Variants in SDK2 observed in about 807,000 individuals in gnomAD.
The protein encoded by SDK2 is protein sidekick-2.
In SDK2, 105 loss-of-function variants were observed where a neutral mutation model predicts 253.9. That is an observed-to-expected ratio of 0.41 (90% confidence interval 0.35 to 0.49). The LOEUF is 0.49. SDK2 is among the 20% of genes least tolerant of loss of function. The probability of loss-of-function intolerance (pLI) is 0.06; values close to 1 mark genes in which losing one functional copy is unlikely to be tolerated. For synonymous variants in SDK2, 1,249 were observed against 1,234.9 expected (o/e 1.01, Z -0.24); for missense variants, 2,608 against 3,003.0 (o/e 0.87, Z 3.07).
At chr17:73,401,910 G>C (rs201295692) in intron 19 of SDK2, 36 bp downstream of exon 19, 159 of 1,496,292 alleles carry the variant, frequency 1.1e-4, no homozygotes, top group East Asian at 6.1e-4. Context: ...CCTTGGGCGG[G>C]GGGGGGCAGA....
At chr17:73,509,485 G>C (rs767636589) in intron 1 of SDK2, among the ~76,000 whole-genome samples, 14 of 152,000 alleles carry the variant, frequency 9.2e-5, no homozygotes, top group Non-Finnish European at 1.8e-4. Context: ...GCCTTCTTTT[G>C]GCTTAAGAAA....
intron 1 of SDK2, among the ~76,000 whole-genome samples, chr17:73,622,118 C>T (rs1599733038): frequency 6.6e-6 from 1 of 152,248 alleles, no homozygotes; most frequent in African/African-American, 2.4e-5. Context: ...CAGCTTCCTA[C>T]CATAGTGTAT....
rs2062958433 is a variant in SDK2 at position 73,395,005 on chromosome 17, A to G, written c.3592+150T>C. On this transcript the variant is annotated intron_variant, in intron 25 of 44. Transcript: ENST00000392650. The surrounding 1 kb of genome is among the most constrained non-coding windows in gnomAD (Gnocchi z 4.3). ...GGCAGGTGCTGGGAGAGGCGGCAAC[A>G]TCATTGTGACATTGAGCATAAGCAG... 1 of 639,032 alleles carries G rather than the reference A, an allele frequency of 1.6e-6. No individual in the cohort carries two copies. Among genetic ancestry groups the G allele is most frequent in the Non-Finnish European group, 2.7e-6 (1 of 367,138 alleles). The allele number at this position is 639,032 out of a possible 1,614,324, so 39.6% of individuals were successfully genotyped here. A position where few individuals can be genotyped will look rare whatever the true frequency, so the allele number is the denominator to read the frequency against.
intron 24 of SDK2, among the ~76,000 whole-genome samples, chr17:73,397,445 C>T (rs1055275540): frequency 2.6e-5 from 4 of 152,142 alleles, no homozygotes; most frequent in Non-Finnish European, 5.9e-5. Context: ...AGAACTTGGG[C>T]GAGTGATCTG....
chr17:73,511,662 G>A lies in SDK2; in HGVS notation c.65-4065C>T, dbSNP rs1161368916. On this transcript the variant is annotated intron_variant, in intron 1 of 44. Coordinates refer to ENST00000392650, the MANE Select transcript of SDK2 (RefSeq NM_001144952.2). The surrounding 1 kb of genome is among the most constrained non-coding windows in gnomAD (Gnocchi z 4.9). ...AAGGTTCCTCTCCCCAAGCTCCTGC[G>A]GTGAAGTCACCCCCTCCCGAAAGTC... 1.3e-5 allele frequency among the ~76,000 whole-genome samples: 2 copies of A among 152,144 alleles called. No homozygotes were observed. The highest frequency in any genetic ancestry group is 1.5e-5 in the Non-Finnish European group (1 of 68,024).
At position 73,556,360 on chromosome 17, in the gene SDK2, C is replaced by T. The variant is rs368373156; in HGVS notation, c.65-48763G>A. ...GTTGTTGTTGTTTAATAAAGGAAGA[C>T]GACTTTCTTTGATTAGACAGAGCTC... On this transcript the variant is annotated intron_variant, in intron 1 of 44. Coordinates refer to ENST00000392650, the MANE Select transcript of SDK2 (RefSeq NM_001144952.2). Among the ~76,000 whole-genome samples, 10 of 152,030 alleles carry T rather than the reference C, an allele frequency of 6.6e-5. 1 individual carries two copies. The highest frequency in any genetic ancestry group is 3.9e-4 in the East Asian group (2 of 5,166).
At position 73,629,892 on chromosome 17, in the gene SDK2, G is replaced by A. The variant is rs965214656; in HGVS notation, c.64+14133C>T. Among the ~76,000 whole-genome samples, 2 of 152,138 alleles carry A rather than the reference G, an allele frequency of 1.3e-5. No individual in the cohort carries two copies. ...GAAAAGCTCCTTCTCCCAGGAAGGAGGGCTCTGGGCTGGATTTTCTTTCCT... is the reference window on the plus strand; with the variant it reads ...GAAAAGCTCCTTCTCCCAGGAAGGAAGGCTCTGGGCTGGATTTTCTTTCCT... On this transcript the variant is annotated intron_variant, in intron 1 of 44. Transcript: ENST00000392650. The surrounding 1 kb of genome is among the most constrained non-coding windows in gnomAD (Gnocchi z 5.0).
rs774799039 is a variant in SDK2, at chr17:73,511,432, C to T, written c.65-3835G>A. Among the ~76,000 whole-genome samples the T allele has an allele frequency of 6.6e-6, 1 of 152,212 alleles. No homozygotes were observed. Among genetic ancestry groups the T allele is most frequent in the Non-Finnish European group, 1.5e-5 (1 of 68,038 alleles). On this transcript the variant is annotated intron_variant, in intron 1 of 44. Coordinates refer to ENST00000392650, the MANE Select transcript of SDK2 (RefSeq NM_001144952.2). This position sits in a 1 kb window ranked among gnomAD's most constrained non-coding sequence, Gnocchi z 4.9. ...ACTGGGCAATTTCCTCCCAGGTCCG[C>T]GTTTGCCAGTTCATTCTTCAAGCCC...
chr17:73,415,833 G>T lies in SDK2; in HGVS notation c.2346C>A (p.Val782=). Residue 782 remains valine (V), a synonymous_variant, in exon 17 of 45, where the codon GTC becomes GTA. Coordinates refer to ENST00000392650, the MANE Select transcript of SDK2 (RefSeq NM_001144952.2). ...TACCTCCCTGCAGCGTCCACTCGGTGACTTTACTGCTGTAGACCCCCAGCC... is the reference window on the plus strand; with the variant it reads ...TACCTCCCTGCAGCGTCCACTCGGTTACTTTACTGCTGTAGACCCCCAGCC... The part of the protein sequence containing the change: ...SAGLGVYSSK[V]TEWTLQGVPT... 6.4e-7 allele frequency: 1 copy of T among 1,555,080 alleles called. No individual in the cohort carries two copies. The highest frequency in any genetic ancestry group is 8.7e-7 in the Non-Finnish European group (1 of 1,148,908).
chr17:73,528,465 G>A (rs2145798315), intron 1 of SDK2, among the ~76,000 whole-genome samples: 1 of 152,340 alleles, frequency 6.6e-6, no homozygotes, highest in Admixed American at 6.5e-5. Context: ...TGGGGAAGCA[G>A]CGATGCAGTG....
At chr17:73,458,919 G>T (rs1461796078) in intron 3 of SDK2, among the ~76,000 whole-genome samples, 1 of 152,144 alleles carries the variant, frequency 6.6e-6, no homozygotes, top group African/African-American at 2.4e-5. Context: ...TAGGAGAATC[G>T]CTTGAACCTG....
chr17:73,533,233 C>G (rs374582070), intron 1 of SDK2, among the ~76,000 whole-genome samples: 18 of 152,370 alleles, frequency 1.2e-4, no homozygotes, highest in Middle Eastern at 3.4e-3. Flanking sequence ...TGACCCCATT[C>G]CTCAGCATCC....
In SDK2 at chr17:73,507,418, G is replaced by T; in HGVS notation, c.224+20C>A. The T allele has an allele frequency of 6.5e-7, 1 of 1,545,580 alleles. No homozygotes were observed. The highest frequency in any genetic ancestry group is 8.7e-7 in the Non-Finnish European group (1 of 1,143,036). On this transcript the variant is annotated intron_variant, in intron 2 of 44. Transcript: ENST00000392650. ...AGTGGTCCTGGCAGCCAGGAGGAAG[G>T]GCGGGGAGGGGCAGTTTACCTGTAT...
chr17:73,610,551 A>C (rs1366778589), intron 1 of SDK2, among the ~76,000 whole-genome samples: 1 of 152,226 alleles, frequency 6.6e-6, no homozygotes, highest in African/African-American at 2.4e-5. Context: ...CACTGCAGCC[A>C]CAAGACGGCC....
intron 25 of SDK2, among the ~76,000 whole-genome samples, chr17:73,394,682 G>A (rs546209069): frequency 6.6e-6 from 1 of 152,326 alleles, no homozygotes; most frequent in East Asian, 1.9e-4. Context: ...AAGCCACAGA[G>A]CAGTGAACCA....
At chr17:73,432,489 T>C (rs560969373) in intron 10 of SDK2, among the ~76,000 whole-genome samples, 1 of 152,254 alleles carries the variant, frequency 6.6e-6, no homozygotes, top group Non-Finnish European at 1.5e-5. Flanking sequence ...TGCCTAGGTG[T>C]GCCCCTATTA....
At position 73,618,383 on chromosome 17, in the gene SDK2, A is replaced by G. The variant is rs1362032159; in HGVS notation, c.64+25642T>C. Among the ~76,000 whole-genome samples the G allele has an allele frequency of 6.6e-6, 1 of 152,220 alleles. No homozygotes were observed. The highest frequency in any genetic ancestry group is 2.4e-5 in the African/African-American group (1 of 41,460). ...CTGTGGATTCATTTATAGTCGTCAA[A>G]ACAAGATTCTCCAGGGAGGCAGTGG... On this transcript the variant is annotated intron_variant, in intron 1 of 44. Transcript: ENST00000392650. The surrounding 1 kb of genome is among the most constrained non-coding windows in gnomAD (Gnocchi z 4.1).
chr17:73,486,438 A>C (rs946883207), intron 2 of SDK2, among the ~76,000 whole-genome samples: 1 of 151,948 alleles, frequency 6.6e-6, no homozygotes, highest in African/African-American at 2.4e-5. Flanking sequence ...GCAAGAATCT[A>C]TCTCTACCAA....
chr17:73,558,762 A>G (rs890013148), intron 1 of SDK2, among the ~76,000 whole-genome samples: 1 of 152,170 alleles, frequency 6.6e-6, no homozygotes, highest in African/African-American at 2.4e-5. Context: ...GCACCAAGCC[A>G]TGTGTCTCTC....
Sources: allele counts gnomAD v4.1 joint callset (sites outside exome capture counted in the v4.1 genomes callset), GRCh38; gene constraint gnomAD v4.1.1; non-coding constraint Gnocchi (gnomAD v3.1); transcripts MANE v1.5; gene names NCBI Gene and HGNC (gene_info 2026-07-23, HGNC 2026-07-21).